The following PVT1 variants were observed in gnomAD, a reference collection of about 807,000 sequenced individuals.
The protein encoded by PVT1 is Pvt1 oncogene, also known as CXCR4/PVT1 fusion.
intron 3 of PVT1, among the ~76,000 whole-genome samples, chr8:127,914,613 A>G (rs1303845896): frequency 1.3e-5 from 2 of 152,212 alleles, no homozygotes; most frequent in Non-Finnish European, 2.9e-5. Context: ...AAATGGAATG[A>G]GACATTGATA....
intron 3 of PVT1, among the ~76,000 whole-genome samples, chr8:127,968,687 A>G (rs188536765): frequency 1.4e-4 from 22 of 152,306 alleles, no homozygotes; most frequent in African/African-American, 5.1e-4. Flanking sequence ...GTGCCCTTGA[A>G]CGTGACCTTA....
chr8:127,921,503 A>T (rs904611479), intron 3 of PVT1, among the ~76,000 whole-genome samples: 72 of 152,258 alleles, frequency 4.7e-4, no homozygotes, highest in African/African-American at 1.7e-3. Context: ...AGCAAATTAG[A>T]TCATAGTTTA....
chr8:128,062,700 A>ATTTT (rs1253210987), intron 4 of PVT1, among the ~76,000 whole-genome samples: 2 of 151,986 alleles, frequency 1.3e-5, no homozygotes, highest in Non-Finnish European at 2.9e-5. Context: ...TTATTTGTGT[A>ATTTT]TTTTTTTTCT....
intron 4 of PVT1, among the ~76,000 whole-genome samples, chr8:128,067,988 A>G (rs1021491772): frequency 4.0e-5 from 6 of 149,544 alleles, no homozygotes; most frequent in East Asian, 3.9e-4. Context: ...TTGAAAATCA[A>G]TATAACCACA....
At chr8:128,049,725 C>T (rs534735732) in intron 4 of PVT1, among the ~76,000 whole-genome samples, 3 of 152,278 alleles carry the variant, frequency 2.0e-5, no homozygotes, top group African/African-American at 7.2e-5. Flanking sequence ...CCACTGCCTC[C>T]CTGCTGCTCC....
chr8:127,967,370 G>A (rs941651433), intron 3 of PVT1, among the ~76,000 whole-genome samples: 1 of 152,240 alleles, frequency 6.6e-6, no homozygotes, highest in African/African-American at 2.4e-5. Flanking sequence ...TCCCACGAAG[G>A]CTGCGCTCTT....
chr8:128,011,334 A>T (rs1427830523), intron 4 of PVT1, among the ~76,000 whole-genome samples: 1 of 152,062 alleles, frequency 6.6e-6, no homozygotes, highest in Non-Finnish European at 1.5e-5. Context: ...ACCCCCATGT[A>T]CTCAGTATTA....
At chr8:127,949,439 C>T (rs1304816085) in intron 3 of PVT1, among the ~76,000 whole-genome samples, 1 of 128,060 alleles carries the variant, frequency 7.8e-6, no homozygotes, top group Non-Finnish European at 1.7e-5. Flanking sequence ...GTCTGTCTCC[C>T]TCTCTCTCCT....
chr8:127,890,688 T>G (rs777859437), exon 3 of PVT1: 2 of 152,278 alleles, frequency 1.3e-5, no homozygotes, highest in Non-Finnish European at 2.9e-5. Context: ...CTGAGCCTGA[T>G]GGATTTACAG....
chr8:127,817,044 G>C (rs1242202478), intron 2 of PVT1, among the ~76,000 whole-genome samples: 1 of 149,746 alleles, frequency 6.7e-6, no homozygotes, highest in African/African-American at 2.5e-5. Flanking sequence ...GTGCTGCTGT[G>C]GACATTTCAT....
chr8:127,883,833 T>TC (rs1019483915), intron 2 of PVT1, among the ~76,000 whole-genome samples: 6 of 152,072 alleles, frequency 3.9e-5, no homozygotes, highest in African/African-American at 1.4e-4. Flanking sequence ...TGTGAAGACT[T>TC]CCCCTCAGTG....
At chr8:127,879,641 A>G (rs60618876) in intron 2 of PVT1, among the ~76,000 whole-genome samples, 1,733 of 152,338 alleles carry the variant, frequency 0.011, 39 homozygotes, top group African/African-American at 0.039. Context: ...TGGCTTGGGC[A>G]TACTTGGGCT....
At chr8:127,950,471 G>C (rs1816492737) in intron 3 of PVT1, among the ~76,000 whole-genome samples, 1 of 152,208 alleles carries the variant, frequency 6.6e-6, no homozygotes, top group Admixed American at 6.5e-5. Context: ...TCCAACCACT[G>C]CTCCACGCTG....
At chr8:127,897,683 A>G (rs1815699901) in intron 3 of PVT1, among the ~76,000 whole-genome samples, 1 of 151,494 alleles carries the variant, frequency 6.6e-6, no homozygotes, top group Non-Finnish European at 1.5e-5. Context: ...AGAAAGAAAG[A>G]AAAAGGAAGG....
chr8:128,091,869 A>G (rs1361311351), intron 5 of PVT1, among the ~76,000 whole-genome samples: 1 of 152,192 alleles, frequency 6.6e-6, no homozygotes, highest in Non-Finnish European at 1.5e-5. Context: ...AACTCAGGGT[A>G]TGTCTCCATT....
At chr8:127,993,050 T>C (rs1045478667) in intron 4 of PVT1, among the ~76,000 whole-genome samples, 1 of 152,258 alleles carries the variant, frequency 6.6e-6, no homozygotes, top group Non-Finnish European at 1.5e-5. Flanking sequence ...AAAACACCTC[T>C]GGTATTGGCC....
At chr8:127,828,226 C>G (rs760468072) in intron 2 of PVT1, among the ~76,000 whole-genome samples, 1 of 152,134 alleles carries the variant, frequency 6.6e-6, no homozygotes, top group Non-Finnish European at 1.5e-5. Flanking sequence ...AGATCTCTTG[C>G]TAAGGGCTTC....
intron 3 of PVT1, among the ~76,000 whole-genome samples, chr8:127,933,092 T>C (rs1816229990): frequency 6.6e-6 from 1 of 152,206 alleles, no homozygotes; most frequent in Admixed American, 6.5e-5. Context: ...TTTTTTCTTT[T>C]GAGATGGAGT....
chr8:128,047,528 G>A (rs568026658), intron 4 of PVT1, among the ~76,000 whole-genome samples: 1 of 152,214 alleles, frequency 6.6e-6, no homozygotes, highest in Non-Finnish European at 1.5e-5. Flanking sequence ...TGTAAAGGAC[G>A]CTATTGAGAC....
Sources: gnomAD v4.1 joint callset for allele counts (sites outside exome capture counted in the v4.1 genomes callset) on GRCh38, gnomAD v4.1.1 for gene constraint, MANE v1.5 for transcripts, NCBI Gene and HGNC (gene_info 2026-07-23, HGNC 2026-07-21) for gene names.